The following WWOX variants were observed in gnomAD, a reference collection of about 807,000 sequenced individuals.
WWOX encodes WW domain containing oxidoreductase.
WWOX carries 69 observed loss-of-function variants against 46.2 expected under a neutral mutation model. The ratio of observed to expected loss-of-function variants is 1.49; its 90% CI spans 1.23 to 1.82. The LOEUF (loss-of-function observed/expected upper bound fraction) is 1.82. Ranked by LOEUF, WWOX falls within the 40% of genes most tolerant of loss-of-function variation. WWOX has a pLI of 0.00. For missense variants in WWOX, 919 were observed against 542.6 expected (o/e 1.69, Z -6.89); for synonymous variants, 359 against 202.6 (o/e 1.77, Z -6.56).
rs1289333997 is a variant in WWOX at position 78,687,685 on chromosome 16, G to A, written c.1056+254933G>A. Among the ~76,000 whole-genome samples, 4 of 152,288 alleles carry A rather than the reference G, an allele frequency of 2.6e-5. No individual in the cohort carries two copies. The South Asian group carries it at 6.2e-4, about 24-fold the overall frequency. On this transcript the variant is annotated intron_variant, in intron 8 of 8. Coordinates refer to ENST00000566780, the MANE Select transcript of WWOX (RefSeq NM_016373.4). Reference sequence around the variant, plus strand: ...TCTATTACACAGTACTAGGCAAGCAGTTCATAGCTCAATTAGATCTAACTT... The same window carrying A: ...TCTATTACACAGTACTAGGCAAGCAATTCATAGCTCAATTAGATCTAACTT...
intron 8 of WWOX, among the ~76,000 whole-genome samples, chr16:78,559,473 T>C (rs1004313032): frequency 6.6e-6 from 1 of 152,154 alleles, no homozygotes; most frequent in Non-Finnish European, 1.5e-5. Context: ...CTCCAGCCAA[T>C]GGATTTATGA....
Position 78,789,461 on chromosome 16 carries a change from A to G in WWOX, c.1056+356709A>G, listed in dbSNP as rs184511628. Reference sequence around the variant, plus strand: ...CTTATCAGAGATCAATTGGCCATAAATGTAAGTATTTCTTTCTGGACTCTG... The same window carrying G: ...CTTATCAGAGATCAATTGGCCATAAGTGTAAGTATTTCTTTCTGGACTCTG... On this transcript the variant is annotated intron_variant, in intron 8 of 8. Transcript: ENST00000566780. 1.8e-3 allele frequency among the ~76,000 whole-genome samples: 269 copies of G among 152,286 alleles called. 1 individual carries two copies. The highest frequency in any genetic ancestry group is 6.1e-3 in the African/African-American group (254 of 41,564).
At chr16:78,934,766 G>A (rs2045700875) in intron 8 of WWOX, among the ~76,000 whole-genome samples, 1 of 152,086 alleles carries the variant, frequency 6.6e-6, no homozygotes, top group African/African-American at 2.4e-5. Flanking sequence ...ATGTGTTCCT[G>A]AGAGATTTAA....
At chr16:78,565,920 T>A (rs1468388660) in intron 8 of WWOX, among the ~76,000 whole-genome samples, 1 of 113,684 alleles carries the variant, frequency 8.8e-6, no homozygotes, top group African/African-American at 3.4e-5. Flanking sequence ...CCCCCAACAT[T>A]GACTGGGCAG....
At chr16:79,045,427 G>A (rs374624858) in intron 8 of WWOX, among the ~76,000 whole-genome samples, 41 of 152,310 alleles carry the variant, frequency 2.7e-4, no homozygotes, top group African/African-American at 8.7e-4. Flanking sequence ...CATGATCTGC[G>A]TGGGTGAGAG....
intron 8 of WWOX, among the ~76,000 whole-genome samples, chr16:78,481,576 A>G (rs1432384966): frequency 6.6e-6 from 1 of 151,676 alleles, no homozygotes. Flanking sequence ...GATTTAAAAT[A>G]TTTTCAAGTA....
chr16:78,270,867 G>A (rs915114098), intron 5 of WWOX, among the ~76,000 whole-genome samples: 3 of 152,098 alleles, frequency 2.0e-5, no homozygotes, highest in Admixed American at 6.6e-5. Flanking sequence ...TGCCAGAGAC[G>A]ATACGTGGCC....
intron 8 of WWOX, among the ~76,000 whole-genome samples, chr16:78,624,222 T>C (rs76324787): frequency 6.9e-6 from 1 of 145,076 alleles, no homozygotes; most frequent in African/African-American, 2.7e-5. Flanking sequence ...TTTTTTTTTT[T>C]CGTGGAATCA....
intron 8 of WWOX, chr16:79,077,877 C>G (rs1232255746): frequency 1.3e-5 from 2 of 152,164 alleles, no homozygotes; most frequent in Non-Finnish European, 2.9e-5. Flanking sequence ...CATCGTTCTT[C>G]TTACTCAACT....
chr16:78,892,312 T>G (rs1306147241), intron 8 of WWOX: 1 of 152,176 alleles, frequency 6.6e-6, no homozygotes, highest in African/African-American at 2.4e-5. Flanking sequence ...ATGAACCACA[T>G]GCTAAAATCA....
intron 8 of WWOX, among the ~76,000 whole-genome samples, chr16:79,008,278 A>G (rs983172190): frequency 5.9e-5 from 9 of 152,094 alleles, no homozygotes; most frequent in African/African-American, 2.2e-4. Context: ...AGGCTCCCCC[A>G]TGCTCTGAGT....
intron 5 of WWOX, among the ~76,000 whole-genome samples, chr16:78,248,580 C>T (rs2037890512): frequency 6.6e-6 from 1 of 151,942 alleles, no homozygotes; most frequent in African/African-American, 2.4e-5. Flanking sequence ...TACTAAAATA[C>T]AAAAATGTAG....
rs570944201 is a variant in WWOX at position 78,977,441 on chromosome 16, C to A, written c.1057-234167C>A. 2.0e-5 allele frequency among the ~76,000 whole-genome samples: 3 copies of A among 152,288 alleles called. No homozygotes were observed. The East Asian group carries it at 5.8e-4, about 29-fold the overall frequency. ...GTCCTCGCCCCACAAGCAAAGCACA[C>A]ACCAGAAGCTATAAGGAGATGAGCT... On this transcript the variant is annotated intron_variant, in intron 8 of 8. Coordinates refer to ENST00000566780, the MANE Select transcript of WWOX (RefSeq NM_016373.4).
chr16:78,209,416 C>G (rs996050507), intron 5 of WWOX, among the ~76,000 whole-genome samples: 19 of 152,356 alleles, frequency 1.2e-4, no homozygotes, highest in African/African-American at 4.6e-4. Flanking sequence ...CTACACAATT[C>G]TATCCAAGGC....
At chr16:78,324,493 C>T (rs757299326) in intron 5 of WWOX, among the ~76,000 whole-genome samples, 1 of 152,082 alleles carries the variant, frequency 6.6e-6, no homozygotes, top group African/African-American at 2.4e-5. Flanking sequence ...ATGTTAATAG[C>T]TGCATTGTTC....
chr16:78,558,977 C>G (rs1395314903), intron 8 of WWOX, among the ~76,000 whole-genome samples: 3 of 152,188 alleles, frequency 2.0e-5, no homozygotes, highest in East Asian at 1.9e-4. Context: ...TCCAGGCTGT[C>G]AGCTCCCTGA....
intron 5 of WWOX, among the ~76,000 whole-genome samples, chr16:78,219,467 A>T (rs2036822423): frequency 6.6e-6 from 1 of 152,188 alleles, no homozygotes; most frequent in Admixed American, 6.5e-5. Flanking sequence ...ATCTAAAGTG[A>T]CAGGAAGAGA....
intron 4 of WWOX, among the ~76,000 whole-genome samples, chr16:78,119,903 A>G (rs1226732448): frequency 6.6e-6 from 1 of 152,230 alleles, no homozygotes; most frequent in African/African-American, 2.4e-5. Context: ...AGTTTGGTCC[A>G]GATGAAGTTT....
At chr16:78,105,562 G>A (rs1300291783) in intron 1 of WWOX, among the ~76,000 whole-genome samples, 1 of 152,202 alleles carries the variant, frequency 6.6e-6, no homozygotes, top group Non-Finnish European at 1.5e-5. Flanking sequence ...TAGGTTGACA[G>A]AGTTTGTTTT....
Sources: gnomAD v4.1 joint callset for allele counts (sites outside exome capture counted in the v4.1 genomes callset) on GRCh38, gnomAD v4.1.1 for gene constraint, MANE v1.5 for transcripts, NCBI Gene and HGNC (gene_info 2026-07-23, HGNC 2026-07-21) for gene names.